DZIP3: variants seen among roughly 807,000 people sequenced by gnomAD.
The protein encoded by DZIP3 is E3 ubiquitin-protein ligase DZIP3.
In DZIP3, 118 loss-of-function variants were observed where a neutral mutation model predicts 162.0. The observed-to-expected ratio is 0.73, with a 90% CI of 0.63 to 0.85. The LOEUF is 0.85. Ranked by LOEUF, DZIP3 falls within the 40% of genes least tolerant of loss-of-function variation. The probability of loss-of-function intolerance (pLI) is 0.00; values close to 1 mark genes in which losing one functional copy is unlikely to be tolerated. For synonymous variants in DZIP3, 438 were observed against 458.6 expected (o/e 0.96, Z 0.57); for missense variants, 1,331 against 1,407.0 (o/e 0.95, Z 0.86).
intron 31 of DZIP3, among the ~76,000 whole-genome samples, chr3:108,689,474 G>C (rs1456703364): frequency 6.6e-6 from 1 of 152,110 alleles, no homozygotes; most frequent in Admixed American, 6.5e-5. Flanking sequence ...ATGAGGTCAG[G>C]AGATCGAGAC....
At chr3:108,603,985 T>C (rs964353894) in intron 1 of DZIP3, among the ~76,000 whole-genome samples, 1 of 152,134 alleles carries the variant, frequency 6.6e-6, no homozygotes, top group African/African-American at 2.4e-5. Flanking sequence ...ATTGCTTTTT[T>C]TGGTGGGGGA....
chr3:108,609,993 C>T (rs577427617), intron 3 of DZIP3, among the ~76,000 whole-genome samples: 2 of 152,206 alleles, frequency 1.3e-5, no homozygotes, highest in East Asian at 1.9e-4. Context: ...TGATATTGGT[C>T]ATTCTTTATA....
At chr3:108,681,848 C>A (rs1207600472) in intron 26 of DZIP3, among the ~76,000 whole-genome samples, 1 of 143,318 alleles carries the variant, frequency 7.0e-6, no homozygotes, top group Non-Finnish European at 1.5e-5. Flanking sequence ...CCAAACACTG[C>A]ATGTTCTCAC....
intron 21 of DZIP3, among the ~76,000 whole-genome samples, chr3:108,668,134 ATGTT>A (rs905910127): frequency 7.2e-5 from 11 of 152,090 alleles, no homozygotes; most frequent in African/African-American, 2.7e-4. Flanking sequence ...TGTGCAGTAA[ATGTT>A]TGGCAAATAT....
At chr3:108,619,248 A>G (rs959761898) in intron 5 of DZIP3, among the ~76,000 whole-genome samples, 2 of 151,890 alleles carry the variant, frequency 1.3e-5, no homozygotes, top group Admixed American at 6.6e-5. Flanking sequence ...GGTTCTCCAG[A>G]GAAACCAGAC....
Position 108,589,967 on chromosome 3 carries a change from A to G in DZIP3, c.-73+128A>G, listed in dbSNP as rs77403399. On this transcript the variant is annotated intron_variant, in intron 1 of 32. Coordinates refer to ENST00000361582, the MANE Select transcript of DZIP3 (RefSeq NM_014648.4). ...GATGGTAGTTTCTCAGAGTCAACCT[A>G]TTGGCATTATGTGGCAAATTAGTCA... The G allele has an allele frequency of 4.7e-3, 715 of 152,254 alleles. 3 individuals are homozygous for G. The highest frequency in any genetic ancestry group is 0.013 in the African/African-American group (547 of 41,500). 9.4% of individuals were successfully genotyped at this position (152,254 alleles called of 1,614,324 possible). A position where few individuals can be genotyped will look rare whatever the true frequency, so the allele number is the denominator to read the frequency against.
At chr3:108,677,038 T>C (rs192368275) in intron 25 of DZIP3, among the ~76,000 whole-genome samples, 1 of 152,274 alleles carries the variant, frequency 6.6e-6, no homozygotes, top group East Asian at 1.9e-4. Context: ...CAATGTAGAA[T>C]TTCATAAGTA....
intron 15 of DZIP3, among the ~76,000 whole-genome samples, chr3:108,647,049 A>AG (rs560270163): frequency 1.2e-3 from 185 of 152,304 alleles, no homozygotes; most frequent in African/African-American, 4.2e-3. Flanking sequence ...TCAAAAAAAA[A>AG]GAACTTGGAA....
intron 26 of DZIP3, among the ~76,000 whole-genome samples, chr3:108,681,108 A>C (rs1295359398): frequency 1.3e-5 from 2 of 152,188 alleles, no homozygotes; most frequent in Admixed American, 6.6e-5. Flanking sequence ...ATGGGATCTA[A>C]CTAAAGAGCT....
Position 108,623,230 on chromosome 3 carries a change from A to G in DZIP3, c.376-1214A>G, listed in dbSNP as rs573777090. 2.3e-4 allele frequency among the ~76,000 whole-genome samples: 35 copies of G among 152,030 alleles called. No individual in the cohort carries two copies. The South Asian group carries it at 6.7e-3, about 29-fold the overall frequency. ...TTTACTTTTCCCTCTGCCTTTCTCA[A>G]GCAGAAAGGCATCTCTCACCATAGC... On this transcript the variant is annotated intron_variant, in intron 5 of 32. Coordinates refer to ENST00000361582, the MANE Select transcript of DZIP3 (RefSeq NM_014648.4).
intron 1 of DZIP3, among the ~76,000 whole-genome samples, chr3:108,599,561 C>G (rs1939886621): frequency 6.6e-6 from 1 of 152,204 alleles, no homozygotes; most frequent in Non-Finnish European, 1.5e-5. Context: ...ACAGAGCTCA[C>G]TAACATACGA....
intron 1 of DZIP3, among the ~76,000 whole-genome samples, chr3:108,595,018 A>C (rs954266097): frequency 1.3e-5 from 2 of 152,228 alleles, no homozygotes. Context: ...TTTATTCATC[A>C]AATGTTTATT....
At chr3:108,652,614 G>T (rs1942914284) in intron 18 of DZIP3, among the ~76,000 whole-genome samples, 1 of 151,674 alleles carries the variant, frequency 6.6e-6, no homozygotes, top group Non-Finnish European at 1.5e-5. Context: ...CTGAGTTTGT[G>T]GTGTTTATTA....
chr3:108,616,429 T>C (rs2107529438), intron 4 of DZIP3, 112 bp from the exon 5 acceptor site: 1 of 708,736 alleles, frequency 1.4e-6, no homozygotes, highest in South Asian at 2.2e-5. Flanking sequence ...AAACCGTCTT[T>C]ATCTCTATTT....
At chr3:108,690,064 A>G (rs1198259982) in intron 31 of DZIP3, among the ~76,000 whole-genome samples, 1 of 152,200 alleles carries the variant, frequency 6.6e-6, no homozygotes, top group East Asian at 1.9e-4. Flanking sequence ...GAAGTTTATA[A>G]GGTTCTGACA....
At chr3:108,655,412 A>G (rs1943061834) in intron 19 of DZIP3, among the ~76,000 whole-genome samples, 1 of 152,132 alleles carries the variant, frequency 6.6e-6, no homozygotes, top group Non-Finnish European at 1.5e-5. Context: ...TCAATATTTT[A>G]TCATCTCTAA....
chr3:108,670,357 T>G (rs1004462355), intron 22 of DZIP3, among the ~76,000 whole-genome samples: 1 of 151,932 alleles, frequency 6.6e-6, no homozygotes, highest in Non-Finnish European at 1.5e-5. Context: ...TGGATTTGCC[T>G]CTTTTGGACA....
chr3:108,689,044 G>A (rs982592210), intron 31 of DZIP3, 120 bp downstream of exon 31: 8 of 952,118 alleles, frequency 8.4e-6, no homozygotes, highest in Non-Finnish European at 1.3e-5. Flanking sequence ...ATAACTCTGA[G>A]CTTTTGGGTA....
At chr3:108,590,110 T>C (rs1024180444) in intron 1 of DZIP3, 2 of 152,186 alleles carry the variant, frequency 1.3e-5, no homozygotes, top group African/African-American at 4.8e-5. Context: ...AGTGAAGGTG[T>C]CTGTTTCTCT....
Sources: gnomAD v4.1 joint callset for allele counts (sites outside exome capture counted in the v4.1 genomes callset) on GRCh38, gnomAD v4.1.1 for gene constraint, MANE v1.5 for transcripts, NCBI Gene and HGNC (gene_info 2026-07-23, HGNC 2026-07-21) for gene names.